RERE: variants seen among roughly 807,000 people sequenced by gnomAD.
RERE encodes the protein arginine-glutamic acid dipeptide repeats protein.
In RERE, 40 loss-of-function variants were observed where a neutral mutation model predicts 146.1. The ratio of observed to expected loss-of-function variants is 0.27; its 90% CI spans 0.21 to 0.36. The LOEUF is 0.36. Ranked by LOEUF, RERE falls within the 10% of genes least tolerant of loss-of-function variation. The pLI, the probability that RERE is intolerant of heterozygous loss-of-function variation, is 1.00. For synonymous variants in RERE, 1,003 were observed against 866.0 expected (o/e 1.16, Z -2.78); for missense variants, 1,933 against 2,138.7 (o/e 0.90, Z 1.90).
At chr1:8,503,334 T>C (rs1470862246) in intron 8 of RERE, among the ~76,000 whole-genome samples, 3 of 152,088 alleles carry the variant, frequency 2.0e-5, no homozygotes, top group Non-Finnish European at 2.9e-5. Context: ...CCCCCAAAAT[T>C]ATATATGCAC....
At chr1:8,394,234 AC>A (rs1642978004) in intron 12 of RERE, among the ~76,000 whole-genome samples, 1 of 152,238 alleles carries the variant, frequency 6.6e-6, no homozygotes, top group Non-Finnish European at 1.5e-5. Flanking sequence ...CATCTTGCAC[AC>A]AACACTATAC....
At chr1:8,367,706 G>C (rs1006904579) in intron 12 of RERE, among the ~76,000 whole-genome samples, 1 of 152,156 alleles carries the variant, frequency 6.6e-6, no homozygotes, top group Non-Finnish European at 1.5e-5. Flanking sequence ...ACTGCCATTG[G>C]AATTTCTGAC....
At chr1:8,780,242 C>T (rs567653704) in intron 1 of RERE, among the ~76,000 whole-genome samples, 1 of 152,304 alleles carries the variant, frequency 6.6e-6, no homozygotes, top group East Asian at 1.9e-4. Flanking sequence ...ATTATTTCCT[C>T]CCCATTTCCT....
intron 11 of RERE, among the ~76,000 whole-genome samples, chr1:8,449,780 A>G (rs1299892848): frequency 6.6e-6 from 1 of 152,224 alleles, no homozygotes; most frequent in Non-Finnish European, 1.5e-5. Context: ...GACCACAAAG[A>G]TTATTGGATG....
rs137909606 is a variant in RERE, at chr1:8,523,961, C to T, written c.831-15286G>A. 7.9e-5 allele frequency among the ~76,000 whole-genome samples: 12 copies of T among 152,362 alleles called. No individual in the cohort carries two copies. In the East Asian group the frequency reaches 2.3e-3, roughly 29 times the overall value. ...GAACAGAAAGGCAATATTCTCCTGA[C>T]TCAAACAATGAGTTTGTTCCTTGAG... On this transcript the variant is annotated intron_variant, in intron 7 of 22. Coordinates refer to ENST00000400908, the MANE Select transcript of RERE (RefSeq NM_001042681.2).
chr1:8,579,919 G>A (rs1396383602), intron 4 of RERE, among the ~76,000 whole-genome samples: 1 of 152,220 alleles, frequency 6.6e-6, no homozygotes, highest in African/African-American at 2.4e-5. Context: ...CAGGAGAACT[G>A]CTTGACCCTG....
chr1:8,414,215 C>T (rs1643696796), intron 12 of RERE, among the ~76,000 whole-genome samples: 1 of 152,000 alleles, frequency 6.6e-6, no homozygotes, highest in African/African-American at 2.4e-5. Context: ...CAAAAGCTCC[C>T]CCAAAATCCC....
At chr1:8,556,716 G>C in intron 5 of RERE, 145 bp from the exon 6 acceptor site, 1 of 574,856 alleles carries the variant, frequency 1.7e-6, no homozygotes, top group Non-Finnish European at 3.1e-6. Flanking sequence ...TAGAGAAGAG[G>C]AATCATAAAT....
chr1:8,460,048 G>A (rs80296853), intron 11 of RERE, among the ~76,000 whole-genome samples: 3,019 of 152,212 alleles, frequency 0.02, 165 homozygotes, highest in East Asian at 0.11. Flanking sequence ...CTCCCTCTTT[G>A]TCATTGTCCT....
intron 1 of RERE, among the ~76,000 whole-genome samples, chr1:8,723,179 TC>T (rs1282223204): frequency 2.0e-5 from 3 of 152,058 alleles, no homozygotes; most frequent in Admixed American, 2.0e-4. Context: ...GAGGTAGGAA[TC>T]GAAACTGCAG....
At chr1:8,369,599 T>C (rs994425565) in intron 12 of RERE, among the ~76,000 whole-genome samples, 1 of 146,862 alleles carries the variant, frequency 6.8e-6, no homozygotes, top group African/African-American at 2.5e-5. Context: ...TCACAGGTGG[T>C]AAGAACGGTA....
chr1:8,454,015 CCCAGAGAAGACT>C (rs1644421064), intron 11 of RERE, among the ~76,000 whole-genome samples: 3 of 152,104 alleles, frequency 2.0e-5, no homozygotes, highest in Admixed American at 2.0e-4. Flanking sequence ...AACAGTGGCT[CCCAGAGAAGACT>C]CCAAGCTGCT....
chr1:8,371,103 T>G (rs968324982), intron 12 of RERE, among the ~76,000 whole-genome samples: 3 of 152,144 alleles, frequency 2.0e-5, no homozygotes, highest in African/African-American at 7.2e-5. Context: ...TGGGCAGAAA[T>G]GGGAAAGGAA....
chr1:8,643,217 C>A (rs1647204532), intron 2 of RERE, among the ~76,000 whole-genome samples: 1 of 152,126 alleles, frequency 6.6e-6, no homozygotes, highest in Non-Finnish European at 1.5e-5. Flanking sequence ...AGAGTGGAAT[C>A]CATGAGTAGG....
chr1:8,578,774 A>C (rs1407128165), intron 4 of RERE, among the ~76,000 whole-genome samples: 1 of 152,200 alleles, frequency 6.6e-6, no homozygotes, highest in Non-Finnish European at 1.5e-5. Context: ...TGAAAGAAAC[A>C]TTCAAAAGAC....
At chr1:8,541,110 G>A in intron 7 of RERE, 104 bp downstream of exon 7, 1 of 537,626 alleles carries the variant, frequency 1.9e-6, no homozygotes, top group Non-Finnish European at 3.3e-6. Flanking sequence ...TATGTTACTA[G>A]TGTATGTCCA....
intron 11 of RERE, among the ~76,000 whole-genome samples, chr1:8,446,840 A>ATT (rs564326167): frequency 4.8e-5 from 7 of 144,630 alleles, no homozygotes; most frequent in African/African-American, 1.8e-4. Context: ...CACCGGGCTA[A>ATT]TTTTTTTTTT....
At chr1:8,786,271 TG>T (rs1282666706) in intron 1 of RERE, 2 of 979,700 alleles carry the variant, frequency 2.0e-6, no homozygotes, top group Non-Finnish European at 3.2e-6. Flanking sequence ...ACAAAATGGG[TG>T]GTTTTTCTTC....
intron 7 of RERE, among the ~76,000 whole-genome samples, chr1:8,530,907 G>A (rs900070257): frequency 2.7e-4 from 41 of 151,268 alleles, no homozygotes; most frequent in Non-Finnish European, 4.1e-4. Flanking sequence ...TAGCCAGGAT[G>A]GTCCCGATCT....
Sources: allele counts gnomAD v4.1 joint callset (sites outside exome capture counted in the v4.1 genomes callset), GRCh38; gene constraint gnomAD v4.1.1; transcripts MANE v1.5; gene names NCBI Gene and HGNC (gene_info 2026-07-23, HGNC 2026-07-21).